Variants in PDE8B observed in about 807,000 individuals in gnomAD.
PDE8B encodes the protein phosphodiesterase 8B.
Under a neutral mutation model 101.3 loss-of-function variants are expected in PDE8B, and 26 were observed. The ratio of observed to expected loss-of-function variants is 0.26; its 90% CI spans 0.19 to 0.36. The LOEUF is 0.36. PDE8B is among the 10% of genes least tolerant of loss of function. The probability of loss-of-function intolerance (pLI) is 1.00; values close to 1 mark genes in which losing one functional copy is unlikely to be tolerated. For missense variants in PDE8B, 810 were observed against 1,163.1 expected (o/e 0.70, Z 4.42); for synonymous variants, 424 against 429.3 (o/e 0.99, Z 0.15).
chr5:77,259,080 C>G lies in PDE8B; in HGVS notation c.339+47816C>G, dbSNP rs1372058357. Among the ~76,000 whole-genome samples, 8 of 82,834 alleles carry G rather than the reference C, an allele frequency of 9.7e-5. 2 individuals carry two copies. The highest frequency in any genetic ancestry group is 6.6e-4 in the South Asian group (1 of 1,514). 54.3% of individuals were successfully genotyped at this position (82,834 alleles called of 152,430 possible). A position where few individuals can be genotyped will look rare whatever the true frequency, so the allele number is the denominator to read the frequency against. ...CACACACACACACACCCCCGCCCCC[C>G]CCCCACACACACACACGAATGTTTC... On this transcript the variant is annotated intron_variant, in intron 1 of 21. Coordinates refer to ENST00000264917, the MANE Select transcript of PDE8B (RefSeq NM_003719.5).
intron 1 of PDE8B, among the ~76,000 whole-genome samples, chr5:77,274,997 G>A (rs1029571388): frequency 1.3e-5 from 2 of 152,046 alleles, no homozygotes; most frequent in Non-Finnish European, 2.9e-5. Context: ...ATATTTTCAA[G>A]ATACTGAGAA....
intron 1 of PDE8B, among the ~76,000 whole-genome samples, chr5:77,282,196 A>G (rs1175976791): frequency 3.9e-5 from 6 of 151,998 alleles, no homozygotes; most frequent in East Asian, 1.9e-4. Flanking sequence ...GAGCAGCCAC[A>G]TGGCAGTCCT....
intron 10 of PDE8B, among the ~76,000 whole-genome samples, chr5:77,396,481 T>A (rs992508975): frequency 1.3e-5 from 2 of 152,226 alleles, no homozygotes; most frequent in African/African-American, 2.4e-5. Flanking sequence ...AACAACTCCT[T>A]AGGAGTTGGA....
chr5:77,337,011 C>T (rs543923297), intron 5 of PDE8B, among the ~76,000 whole-genome samples: 8 of 152,302 alleles, frequency 5.3e-5, no homozygotes, highest in African/African-American at 1.9e-4. Flanking sequence ...CTTTGTTATG[C>T]AGGAAGTGAA....
intron 1 of PDE8B, among the ~76,000 whole-genome samples, chr5:77,237,357 G>C (rs943573552): frequency 4.6e-5 from 7 of 151,764 alleles, no homozygotes; most frequent in African/African-American, 1.7e-4. Flanking sequence ...ACATTTTTTA[G>C]TATTCAATTT....
At chr5:77,174,876 A>G in the PDE8B span, among the ~76,000 whole-genome samples, 7 of 152,014 alleles carry the variant, frequency 4.6e-5, no homozygotes, top group African/African-American at 1.7e-4. Flanking sequence ...CTGTCTACTG[A>G]GCTCACACAT....
chr5:77,185,054 C>A, the PDE8B span, among the ~76,000 whole-genome samples: 1 of 152,096 alleles, frequency 6.6e-6, no homozygotes, highest in African/African-American at 2.4e-5. Context: ...AGAATCAACA[C>A]CTGCTTGTAA....
intron 1 of PDE8B, chr5:77,290,884 T>C: frequency 6.3e-7 from 1 of 1,599,254 alleles, no homozygotes; most frequent in Non-Finnish European, 8.6e-7. Context: ...ACAAAGATAA[T>C]AGCCAAGGTT....
chr5:77,175,507 G>A, the PDE8B span, among the ~76,000 whole-genome samples: 1 of 152,118 alleles, frequency 6.6e-6, no homozygotes, highest in Non-Finnish European at 1.5e-5. Flanking sequence ...CCCCTCCCAG[G>A]GAAGCCTTCT....
the PDE8B span, among the ~76,000 whole-genome samples, chr5:77,102,932 T>A: frequency 6.6e-6 from 1 of 152,166 alleles, no homozygotes; most frequent in Non-Finnish European, 1.5e-5. Flanking sequence ...CTTGACCACG[T>A]GGTCAGAGTA....
chr5:77,189,555 T>C, the PDE8B span, among the ~76,000 whole-genome samples: 2 of 152,200 alleles, frequency 1.3e-5, no homozygotes, highest in Non-Finnish European at 2.9e-5. Flanking sequence ...GTGATATTTG[T>C]GAAATTTTTT....
At chr5:77,357,378 C>T (rs1782302084) in intron 10 of PDE8B, among the ~76,000 whole-genome samples, 1 of 152,180 alleles carries the variant, frequency 6.6e-6, no homozygotes, top group African/African-American at 2.4e-5. Flanking sequence ...ATGGGTTTCC[C>T]AACCATGGGT....
the PDE8B span, among the ~76,000 whole-genome samples, chr5:77,179,518 T>C: frequency 6.6e-6 from 1 of 152,202 alleles, no homozygotes; most frequent in African/African-American, 2.4e-5. Flanking sequence ...GCTGAGGCAT[T>C]TAATTAGGTA....
chr5:77,338,265 T>C (rs1778554347), intron 6 of PDE8B, among the ~76,000 whole-genome samples: 1 of 152,216 alleles, frequency 6.6e-6, no homozygotes, highest in South Asian at 2.1e-4. Flanking sequence ...GACAAAATCC[T>C]TTTCAAACTT....
the PDE8B span, among the ~76,000 whole-genome samples, chr5:77,184,054 A>T: frequency 3.3e-3 from 491 of 150,840 alleles, 5 homozygotes; most frequent in Non-Finnish European, 1.2e-3. Context: ...TGCAGGCTTG[A>T]CCTCCCCATC....
the PDE8B span, among the ~76,000 whole-genome samples, chr5:77,109,146 A>G: frequency 1.3e-5 from 2 of 152,216 alleles, no homozygotes; most frequent in Non-Finnish European, 2.9e-5. Context: ...TGATTTTGCA[A>G]AGTTCTATCA....
chr5:77,139,531 A>T, the PDE8B span: 5 of 152,348 alleles, frequency 3.3e-5, no homozygotes, highest in South Asian at 8.3e-4. Flanking sequence ...GGTCACTGTC[A>T]CTTCAAATAT....
chr5:77,400,928 C>T (rs1442920379), intron 11 of PDE8B, among the ~76,000 whole-genome samples: 1 of 152,182 alleles, frequency 6.6e-6, no homozygotes, highest in Non-Finnish European at 1.5e-5. Flanking sequence ...GCAAGAATTG[C>T]AACATTCTTT....
At chr5:77,385,566 G>A (rs1788385066) in intron 10 of PDE8B, among the ~76,000 whole-genome samples, 3 of 151,824 alleles carry the variant, frequency 2.0e-5, no homozygotes, top group Admixed American at 1.3e-4. Flanking sequence ...TGTGATGTTA[G>A]GGTGTCTATT....
Sources: gnomAD v4.1 joint callset for allele counts (sites outside exome capture counted in the v4.1 genomes callset) on GRCh38, gnomAD v4.1.1 for gene constraint, MANE v1.5 for transcripts, NCBI Gene and HGNC (gene_info 2026-07-23, HGNC 2026-07-21) for gene names.